The following PBX3 variants were observed in gnomAD, a reference collection of about 807,000 sequenced individuals.
PBX3 encodes pre-B-cell leukemia transcription factor 3.
In PBX3, 14 loss-of-function variants were observed where a neutral mutation model predicts 48.5. That is an observed-to-expected ratio of 0.29 (90% confidence interval 0.19 to 0.45). The LOEUF is 0.45. PBX3 is among the 20% of genes least tolerant of loss of function. PBX3 has a pLI of 1.00. For synonymous variants in PBX3, 210 were observed against 200.3 expected (o/e 1.05, Z -0.41); for missense variants, 386 against 546.7 (o/e 0.71, Z 2.93).
intron 2 of PBX3, among the ~76,000 whole-genome samples, chr9:125,764,281 A>G (rs998757557): frequency 7.9e-5 from 12 of 152,250 alleles, no homozygotes; most frequent in Middle Eastern, 3.2e-3. Context: ...TTATCCTACA[A>G]GAAAGCCTGA....
chr9:125,887,217 C>A (rs1840522596), intron 2 of PBX3, among the ~76,000 whole-genome samples: 1 of 152,066 alleles, frequency 6.6e-6, no homozygotes, highest in Non-Finnish European at 1.5e-5. Flanking sequence ...TGTGGCAATT[C>A]TTATAAACAG....
At chr9:125,894,307 G>T (rs1840718970) in intron 2 of PBX3, among the ~76,000 whole-genome samples, 1 of 152,066 alleles carries the variant, frequency 6.6e-6, no homozygotes, top group Non-Finnish European at 1.5e-5. Flanking sequence ...GTTTTCGACA[G>T]TAAATTACTT....
At chr9:125,927,900 G>A (rs1841614026) in intron 3 of PBX3, among the ~76,000 whole-genome samples, 2 of 152,150 alleles carry the variant, frequency 1.3e-5, no homozygotes, top group African/African-American at 4.8e-5. Context: ...TTAGCTGGGG[G>A]CCAGGCGCAG....
At chr9:125,824,300 T>C (rs1838744612) in intron 2 of PBX3, among the ~76,000 whole-genome samples, 1 of 152,202 alleles carries the variant, frequency 6.6e-6, no homozygotes, top group Non-Finnish European at 1.5e-5. Context: ...TTTGTGAGTC[T>C]CTGTACCTGT....
At chr9:125,779,920 G>A (rs1295484191) in intron 2 of PBX3, among the ~76,000 whole-genome samples, 2 of 126,218 alleles carry the variant, frequency 1.6e-5, no homozygotes, top group South Asian at 2.7e-4. Context: ...CGGACGGGGC[G>A]TCTGGCCGGG....
intron 2 of PBX3, among the ~76,000 whole-genome samples, chr9:125,877,556 CT>C (rs1840285463): frequency 6.6e-6 from 1 of 152,154 alleles, no homozygotes; most frequent in African/African-American, 2.4e-5. Flanking sequence ...TCAGTTTTCT[CT>C]TTACTAATAT....
chr9:125,769,103 G>C (rs989350713), intron 2 of PBX3, among the ~76,000 whole-genome samples: 1 of 152,114 alleles, frequency 6.6e-6, no homozygotes, highest in Non-Finnish European at 1.5e-5. Context: ...CACAGTGAAG[G>C]TGTGATTGAG....
At chr9:125,835,051 A>AAAAAAAAG (rs1564681272) in intron 2 of PBX3, among the ~76,000 whole-genome samples, 1 of 108,002 alleles carries the variant, frequency 9.3e-6, no homozygotes, top group African/African-American at 3.8e-5. Flanking sequence ...AAAAAAAAAA[A>AAAAAAAAG]GGGCAAAAGA....
chr9:125,868,174 C>T (rs1432816127), intron 2 of PBX3, among the ~76,000 whole-genome samples: 1 of 149,384 alleles, frequency 6.7e-6, no homozygotes, highest in Non-Finnish European at 1.5e-5. Context: ...TACACCCAGA[C>T]TGCAGTTTTT....
chr9:125,832,664 G>T (rs949375954), intron 2 of PBX3, among the ~76,000 whole-genome samples: 2 of 152,176 alleles, frequency 1.3e-5, no homozygotes, highest in Non-Finnish European at 1.5e-5. Context: ...AGCCTGAATG[G>T]CAAGTGACTG....
In PBX3 at chr9:125,915,764, A is replaced by T; in HGVS notation, c.353A>T (p.Glu118Val). 1 of 1,614,078 alleles carries T rather than the reference A, an allele frequency of 6.2e-7. No homozygotes were observed. Among genetic ancestry groups the T allele is most frequent in the Non-Finnish European group, 8.5e-7 (1 of 1,179,998 alleles). The change falls in exon 3 of 9, where the codon GAA becomes GTA. Residue 118 changes from glutamate (E) to valine (V), a missense_variant. Coordinates refer to ENST00000373489, the MANE Select transcript of PBX3 (RefSeq NM_006195.6). ...AGACTGGACAATATGCTTTTGGCAG[A>T]AGGGGTTTCAGGTCCTGAGAAAGGT... Reference protein sequence around the residue: ...LMRLDNMLLAEGVSGPEKGGG... With the variant: ...LMRLDNMLLAVGVSGPEKGGG...
chr9:125,893,350 T>C (rs1178663743), intron 2 of PBX3, among the ~76,000 whole-genome samples: 1 of 152,212 alleles, frequency 6.6e-6, no homozygotes, highest in Non-Finnish European at 1.5e-5. Context: ...CTTTTGCACT[T>C]AGAGACAAAG....
intron 2 of PBX3, among the ~76,000 whole-genome samples, chr9:125,815,899 T>C (rs1322775487): frequency 6.6e-6 from 1 of 152,178 alleles, no homozygotes; most frequent in Non-Finnish European, 1.5e-5. Flanking sequence ...GATGCACTTG[T>C]CATTGTGGTG....
intron 2 of PBX3, among the ~76,000 whole-genome samples, chr9:125,855,927 T>C (rs1345063504): frequency 6.6e-6 from 1 of 152,180 alleles, no homozygotes; most frequent in Non-Finnish European, 1.5e-5. Flanking sequence ...AAAAACCTTA[T>C]AGCTTTGCAC....
intron 2 of PBX3, among the ~76,000 whole-genome samples, chr9:125,906,075 A>G (rs1463767760): frequency 6.6e-6 from 1 of 152,048 alleles, no homozygotes; most frequent in Non-Finnish European, 1.5e-5. Context: ...CGAATGTTAC[A>G]TAGGAATATA....
chr9:125,817,081 T>G (rs557207109), intron 2 of PBX3, among the ~76,000 whole-genome samples: 1 of 152,336 alleles, frequency 6.6e-6, no homozygotes, highest in Non-Finnish European at 1.5e-5. Flanking sequence ...CCAAAATCAG[T>G]CATGAAACTA....
intron 2 of PBX3, among the ~76,000 whole-genome samples, chr9:125,815,322 T>A (rs1173936763): frequency 6.6e-6 from 1 of 152,188 alleles, no homozygotes; most frequent in African/African-American, 2.4e-5. Context: ...ATTTCATCTT[T>A]CTCTTTTTTG....
chr9:125,934,621 T>A (rs562321760), intron 4 of PBX3, among the ~76,000 whole-genome samples: 19 of 152,294 alleles, frequency 1.2e-4, no homozygotes, highest in African/African-American at 4.6e-4. Context: ...TGTTCTCTCC[T>A]CTTTGCTTAG....
chr9:125,933,502 C>T (rs1841766028), intron 4 of PBX3, among the ~76,000 whole-genome samples: 1 of 152,146 alleles, frequency 6.6e-6, no homozygotes, highest in Non-Finnish European at 1.5e-5. Flanking sequence ...TTTTGATCCT[C>T]CTTTCATACG....
Sources: allele counts gnomAD v4.1 joint callset (sites outside exome capture counted in the v4.1 genomes callset), GRCh38; gene constraint gnomAD v4.1.1; transcripts MANE v1.5; gene names NCBI Gene and HGNC (gene_info 2026-07-23, HGNC 2026-07-21).